KCNAB1: variants seen among roughly 807,000 people sequenced by gnomAD.
The protein encoded by KCNAB1 is potassium voltage-gated channel subfamily A regulatory beta subunit 1.
KCNAB1 carries 35 observed loss-of-function variants against 64.6 expected under a neutral mutation model. The observed-to-expected ratio is 0.54, with a 90% confidence interval of 0.41 to 0.72. KCNAB1 has a LOEUF of 0.72. Among genes scored for constraint, KCNAB1 ranks in the 30% least tolerant of loss-of-function variants. The pLI is 0.00. For synonymous variants in KCNAB1, 177 were observed against 183.8 expected, an observed-to-expected ratio of 0.96 and a Z score of 0.30; for missense variants, 401 against 512.9, an observed-to-expected ratio of 0.78 and a Z score of 2.11.
chr3:156,172,135 C>A (rs1283052616), intron 1 of KCNAB1, among the ~76,000 whole-genome samples: 1 of 152,186 alleles, frequency 6.6e-6, no homozygotes, highest in African/African-American at 2.4e-5. Context: ...TTCTTCGTAT[C>A]TGTATTCATC....
chr3:156,389,775 A>T lies in KCNAB1; in HGVS notation c.276-31841A>T, dbSNP rs551092302. ...ACCATGTAGTGAGAACCACTTATGC[A>T]CTTGGGGAAATGGTTATTCTATACT... is the stretch of plus-strand genomic sequence containing the variant. On this transcript the variant is annotated intron_variant, in intron 1 of 13. Transcript: ENST00000490337. Among the ~76,000 whole-genome samples the T allele has an allele frequency of 1.6e-4, 24 of 152,342 alleles. 1 individual carries two copies. The highest frequency in any genetic ancestry group is 5.5e-4 in the African/African-American group (23 of 41,574).
intron 1 of KCNAB1, among the ~76,000 whole-genome samples, chr3:156,180,196 T>C (rs1456266447): frequency 6.6e-6 from 1 of 152,222 alleles, no homozygotes; most frequent in Non-Finnish European, 1.5e-5. Context: ...CTCATGCCAA[T>C]CCTATAAAGT....
chr3:156,178,064 G>A (rs1197182891), intron 1 of KCNAB1, among the ~76,000 whole-genome samples: 1 of 152,126 alleles, frequency 6.6e-6, no homozygotes, highest in Non-Finnish European at 1.5e-5. Context: ...ACAATTTTAG[G>A]AAGGGTCACC....
rs142450961 is a variant in KCNAB1 at position 156,330,544 on chromosome 3, C to T, written c.276-91072C>T. Among the ~76,000 whole-genome samples, 617 of 152,246 alleles carry T rather than the reference C, an allele frequency of 4.1e-3. 3 individuals carry two copies. The highest frequency in any genetic ancestry group is 0.014 in the African/African-American group (575 of 41,544). ...TTCCACTTTGAATCATTTCTTCTGA[C>T]GTTTTCACCTTGAGACTATTTTCAC... On this transcript the variant is annotated intron_variant, in intron 1 of 13. Coordinates refer to ENST00000490337, the MANE Select transcript of KCNAB1 (RefSeq NM_172160.3).
intron 1 of KCNAB1, among the ~76,000 whole-genome samples, chr3:156,126,200 AG>A (rs1713645595): frequency 6.6e-6 from 1 of 152,122 alleles, no homozygotes; most frequent in African/African-American, 2.4e-5. Context: ...CATCCTTCAA[AG>A]TTTCTTGCAG....
At chr3:156,280,957 T>C (rs1409054275) in intron 1 of KCNAB1, among the ~76,000 whole-genome samples, 4 of 149,434 alleles carry the variant, frequency 2.7e-5, no homozygotes, top group Non-Finnish European at 6.0e-5. Flanking sequence ...ACCCTTTATT[T>C]CCTTCTCCTG....
At chr3:156,129,927 A>G (rs11718399) in intron 1 of KCNAB1, among the ~76,000 whole-genome samples, 78,149 of 152,040 alleles carry the variant, frequency 0.51, 21,969 homozygotes, top group East Asian at 0.7. Flanking sequence ...TCTGATTAAC[A>G]TGGACCAAAC....
intron 2 of KCNAB1, among the ~76,000 whole-genome samples, chr3:156,443,779 C>CACACACACACA (rs1210068297): frequency 6.9e-6 from 1 of 145,350 alleles, no homozygotes; most frequent in African/African-American, 2.8e-5. Context: ...CACACACACA[C>CACACACACACA]ACTATTCTTT....
At chr3:156,258,391 T>C (rs1174255707) in intron 1 of KCNAB1, among the ~76,000 whole-genome samples, 1 of 152,204 alleles carries the variant, frequency 6.6e-6, no homozygotes, top group Non-Finnish European at 1.5e-5. Flanking sequence ...CAAATCCTCT[T>C]TTTTCTATCA....
intron 1 of KCNAB1, among the ~76,000 whole-genome samples, chr3:156,129,134 T>C (rs548535785): frequency 2.1e-4 from 32 of 152,220 alleles, no homozygotes; most frequent in Admixed American, 3.9e-4. Context: ...GTTCTGCCTA[T>C]TCATTTTTTG....
chr3:156,214,059 G>A lies in KCNAB1; in HGVS notation c.275+93173G>A, dbSNP rs79465231. Reference sequence around the variant, plus strand: ...TGGTAAACATATCCATGTGCCAGAAGGTAGTGTGCCCCAACTCCACGGGGA... The same window carrying A: ...TGGTAAACATATCCATGTGCCAGAAAGTAGTGTGCCCCAACTCCACGGGGA... On this transcript the variant is annotated intron_variant, in intron 1 of 13. Coordinates refer to ENST00000490337, the MANE Select transcript of KCNAB1 (RefSeq NM_172160.3). Among the ~76,000 whole-genome samples the A allele has an allele frequency of 9.2e-5, 14 of 152,312 alleles. 1 individual carries two copies. In the East Asian group the frequency reaches 2.5e-3, roughly 27 times the overall value.
intron 1 of KCNAB1, among the ~76,000 whole-genome samples, chr3:156,394,104 C>T (rs1473859804): frequency 6.6e-6 from 1 of 152,096 alleles, no homozygotes; most frequent in Non-Finnish European, 1.5e-5. Context: ...TGTACCCTGC[C>T]CACTTTAAAT....
chr3:156,195,731 G>C (rs2108368002), intron 1 of KCNAB1, among the ~76,000 whole-genome samples: 1 of 152,262 alleles, frequency 6.6e-6, no homozygotes, highest in Non-Finnish European at 1.5e-5. Flanking sequence ...CTTCCATTCT[G>C]TAGATTGCCT....
intron 1 of KCNAB1, among the ~76,000 whole-genome samples, chr3:156,416,134 C>T (rs558171123): frequency 3.9e-5 from 6 of 152,288 alleles, no homozygotes; most frequent in East Asian, 3.9e-4. Context: ...CCACTAAATC[C>T]GATTTCAAGG....
At chr3:156,261,788 A>T (rs1223519149) in intron 1 of KCNAB1, among the ~76,000 whole-genome samples, 1 of 151,918 alleles carries the variant, frequency 6.6e-6, no homozygotes, top group Admixed American at 6.6e-5. Context: ...TGGGATTTTG[A>T]TAGGGATTGT....
intron 1 of KCNAB1, among the ~76,000 whole-genome samples, chr3:156,152,117 T>C (rs1577644773): frequency 6.6e-6 from 1 of 152,318 alleles, no homozygotes; most frequent in South Asian, 2.1e-4. Flanking sequence ...GTTACCACGT[T>C]TTCTTCTGGA....
At chr3:156,174,603 A>G (rs1317847335) in intron 1 of KCNAB1, among the ~76,000 whole-genome samples, 1 of 152,210 alleles carries the variant, frequency 6.6e-6, no homozygotes, top group Non-Finnish European at 1.5e-5. Context: ...GAAATCAGGG[A>G]CCCACATACC....
At chr3:156,275,422 G>A (rs944586650) in intron 1 of KCNAB1, among the ~76,000 whole-genome samples, 1 of 152,164 alleles carries the variant, frequency 6.6e-6, no homozygotes, top group Non-Finnish European at 1.5e-5. Flanking sequence ...AGGATGGGGT[G>A]GCTGTGGCAA....
At chr3:156,282,385 A>C (rs1719779486) in intron 1 of KCNAB1, among the ~76,000 whole-genome samples, 1 of 139,448 alleles carries the variant, frequency 7.2e-6, no homozygotes, top group Admixed American at 7.3e-5. Flanking sequence ...TTTACTTCCA[A>C]GTATGTGGTC....
Sources: allele counts gnomAD v4.1 joint callset (sites outside exome capture counted in the v4.1 genomes callset), GRCh38; gene constraint gnomAD v4.1.1; transcripts MANE v1.5; gene names NCBI Gene and HGNC (gene_info 2026-07-23, HGNC 2026-07-21).